The following FLI1 variants were observed in gnomAD, a reference collection of about 807,000 sequenced individuals.
The protein encoded by FLI1 is Friend leukemia integration 1 transcription factor.
A neutral mutation model predicts 53.1 loss-of-function variants in FLI1; 13 were observed. That is an observed-to-expected ratio of 0.24 (90% CI 0.16 to 0.39). The LOEUF (loss-of-function observed/expected upper bound fraction) is 0.39. Ranked by LOEUF, FLI1 falls within the 10% of genes least tolerant of loss-of-function variation. The pLI is 1.00. For synonymous variants in FLI1, 244 were observed against 236.7 expected, an observed-to-expected ratio of 1.03 and a Z score of -0.28; for missense variants, 424 against 600.5, an observed-to-expected ratio of 0.71 and a Z score of 3.07.
At chr11:128,733,862 C>G (rs929311588) in intron 1 of FLI1, among the ~76,000 whole-genome samples, 3 of 152,196 alleles carry the variant, frequency 2.0e-5, no homozygotes, top group Admixed American at 6.5e-5. Flanking sequence ...CAAAGAAGTT[C>G]TTGTCTTTCT....
rs1591394444 is a variant in FLI1 at position 128,811,540 on chromosome 11, G to A, written c.*552G>A. On this transcript the variant is annotated 3_prime_UTR_variant, in exon 9 of 9. Coordinates refer to ENST00000527786, the MANE Select transcript of FLI1 (RefSeq NM_002017.5). ...CTGGAATTTGATGGAAAGAAGGTTT[G>A]TGTGTTTAAGACGCCAAGGGCATTG... The A allele has an allele frequency of 8.7e-6, 2 of 230,066 alleles. No homozygotes were observed. The highest frequency in any genetic ancestry group is 1.7e-5 in the Non-Finnish European group (2 of 116,984). 14.3% of individuals were successfully genotyped at this position (230,066 alleles called of 1,614,324 possible).
intron 1 of FLI1, among the ~76,000 whole-genome samples, chr11:128,742,504 C>T (rs1469972456): frequency 6.6e-6 from 1 of 152,228 alleles, no homozygotes; most frequent in Non-Finnish European, 1.5e-5. Flanking sequence ...CAAGTGTCCA[C>T]AGCCTGTGCT....
chr11:128,698,340 C>T (rs1254504702), intron 1 of FLI1, among the ~76,000 whole-genome samples: 2 of 152,194 alleles, frequency 1.3e-5, no homozygotes, highest in Non-Finnish European at 2.9e-5. Context: ...GATCTGTCCC[C>T]GTGACCACAC....
At chr11:128,739,781 C>G (rs781386057) in intron 1 of FLI1, among the ~76,000 whole-genome samples, 2 of 152,188 alleles carry the variant, frequency 1.3e-5, no homozygotes, top group Non-Finnish European at 2.9e-5. Flanking sequence ...TCTTTGTTAC[C>G]TTCCAGATCG....
intron 4 of FLI1, among the ~76,000 whole-genome samples, chr11:128,780,116 T>G (rs1302737411): frequency 1.3e-5 from 2 of 152,222 alleles, no homozygotes; most frequent in Non-Finnish European, 2.9e-5. Context: ...GTCATTGGTA[T>G]TCTTGAACAT....
intron 5 of FLI1, among the ~76,000 whole-genome samples, chr11:128,790,979 C>G (rs531236): frequency 0.24 from 35,828 of 151,788 alleles, 5,004 homozygotes; most frequent in Non-Finnish European, 0.32. Flanking sequence ...TTCAAAGGAG[C>G]CTGTCTTCTG....
intron 1 of FLI1, among the ~76,000 whole-genome samples, chr11:128,710,525 G>A (rs1050155345): frequency 1.3e-5 from 2 of 151,976 alleles, no homozygotes; most frequent in African/African-American, 4.8e-5. Context: ...CACCAAGACC[G>A]AGATGCTGTA....
intron 1 of FLI1, among the ~76,000 whole-genome samples, chr11:128,718,216 GC>G (rs1280398412): frequency 3.3e-5 from 5 of 152,356 alleles, no homozygotes; most frequent in African/African-American, 1.2e-4. Context: ...CCATTCAAAT[GC>G]TGAGAGGTAG....
intron 7 of FLI1, among the ~76,000 whole-genome samples, 178 bp downstream of exon 7, chr11:128,807,417 G>A (rs1010204549): frequency 6.6e-6 from 1 of 152,238 alleles, no homozygotes; most frequent in African/African-American, 2.4e-5. Context: ...CTGACATCAA[G>A]TAGAGACTTG....
Position 128,811,053 on chromosome 11 carries a change from T to C in FLI1, c.*65T>C. On this transcript the variant is annotated 3_prime_UTR_variant, in exon 9 of 9. Coordinates refer to ENST00000527786, the MANE Select transcript of FLI1 (RefSeq NM_002017.5). ...TGCACACTTACTGGATGCTTTGGAC[T>C]CAACAGGACATATGTGGCCTTGAAG... 6.8e-7 allele frequency: 1 copy of C among 1,480,166 alleles called. No individual in the cohort carries two copies. Among genetic ancestry groups the C allele is most frequent in the Non-Finnish European group, 9.4e-7 (1 of 1,061,150 alleles). 91.7% of individuals were successfully genotyped at this position (1,480,166 alleles called of 1,614,324 possible).
chr11:128,717,695 AAATG>A (rs1302494730), intron 1 of FLI1, among the ~76,000 whole-genome samples: 21 of 152,206 alleles, frequency 1.4e-4, no homozygotes, highest in African/African-American at 5.1e-4. Context: ...TACATCTGCT[AAATG>A]TGTCATGCTA....
intron 7 of FLI1, among the ~76,000 whole-genome samples, chr11:128,807,591 C>A (rs1260521317): frequency 1.3e-5 from 2 of 152,184 alleles, no homozygotes; most frequent in African/African-American, 4.8e-5. Flanking sequence ...AATTCCTGTC[C>A]AAGCCTTTTA....
intron 1 of FLI1, among the ~76,000 whole-genome samples, chr11:128,747,882 G>C (rs755276051): frequency 6.6e-6 from 1 of 152,214 alleles, no homozygotes; most frequent in Non-Finnish European, 1.5e-5. Flanking sequence ...CTCCCATCCT[G>C]TGAGTTTCCA....
chr11:128,772,517 C>T (rs1410117997), intron 3 of FLI1, among the ~76,000 whole-genome samples: 1 of 152,196 alleles, frequency 6.6e-6, no homozygotes, highest in Non-Finnish European at 1.5e-5. Flanking sequence ...GCAAAGGTTC[C>T]AACTGCTCTC....
At chr11:128,763,691 C>A (rs1327029642) in intron 2 of FLI1, among the ~76,000 whole-genome samples, 4 of 152,138 alleles carry the variant, frequency 2.6e-5, no homozygotes, top group African/African-American at 9.7e-5. Context: ...CTGCGAGGCC[C>A]CTTTCTAAAC....
intron 1 of FLI1, among the ~76,000 whole-genome samples, chr11:128,687,730 C>A (rs1259215950): frequency 6.6e-6 from 1 of 152,156 alleles, no homozygotes; most frequent in African/African-American, 2.4e-5. Context: ...ATGCGTCCAA[C>A]CCTCCTCAGA....
chr11:128,704,104 T>C (rs1037548411), intron 1 of FLI1, among the ~76,000 whole-genome samples: 3 of 152,160 alleles, frequency 2.0e-5, no homozygotes, highest in Non-Finnish European at 4.4e-5. Context: ...TCTTCTCATA[T>C]ATAAAATGAA....
rs1261262509 is a variant in FLI1, at chr11:128,807,249, C to A, written c.781+10C>A. On this transcript the variant is annotated intron_variant, in intron 7 of 8. Transcript: ENST00000527786. ...CAACGGCCCCAGCCAGGTACCTGCC[C>A]AGGATATGTAATCTCTCCTTTGCTT... The A allele has an allele frequency of 1.3e-6, 2 of 1,593,042 alleles. No individual in the cohort carries two copies. The highest frequency in any genetic ancestry group is 1.7e-5 in the Admixed American group (1 of 57,546).
chr11:128,699,736 G>A (rs116499660), intron 1 of FLI1, among the ~76,000 whole-genome samples: 2,461 of 152,304 alleles, frequency 0.016, 75 homozygotes, highest in African/African-American at 0.055. Flanking sequence ...CCTGTGCACT[G>A]AGATGTTTCC....
Sources: allele counts gnomAD v4.1 joint callset (sites outside exome capture counted in the v4.1 genomes callset), GRCh38; gene constraint gnomAD v4.1.1; transcripts MANE v1.5; gene names NCBI Gene and HGNC (gene_info 2026-07-23, HGNC 2026-07-21).